Variants in MACROD2 observed in about 807,000 individuals in gnomAD.
MACROD2 encodes mono-ADP ribosylhydrolase 2.
Under a neutral mutation model 70.4 loss-of-function variants are expected in MACROD2, and 36 were observed. The observed-to-expected ratio is 0.51, with a 90% CI of 0.39 to 0.68. The LOEUF (loss-of-function observed/expected upper bound fraction) is 0.68. Ranked by LOEUF, MACROD2 falls within the 30% of genes least tolerant of loss-of-function variation. The pLI, the probability that MACROD2 is intolerant of heterozygous loss-of-function variation, is 0.00. For missense variants in MACROD2, 496 were observed against 538.4 expected (o/e 0.92, Z 0.78); for synonymous variants, 172 against 178.8 (o/e 0.96, Z 0.30).
At chr20:15,957,211 T>G (rs2065989975) in intron 12 of MACROD2, among the ~76,000 whole-genome samples, 2 of 152,208 alleles carry the variant, frequency 1.3e-5, no homozygotes, top group African/African-American at 4.8e-5. Flanking sequence ...GAGCTGGTCC[T>G]GGTTATGCAG....
intron 8 of MACROD2, among the ~76,000 whole-genome samples, chr20:15,617,364 A>G (rs1228567154): frequency 1.3e-5 from 2 of 152,184 alleles, no homozygotes; most frequent in African/African-American, 2.4e-5. Flanking sequence ...CAGGATAGCC[A>G]AGGAGGATTT....
At chr20:14,783,006 G>C (rs2072321147) in intron 5 of MACROD2, among the ~76,000 whole-genome samples, 1 of 152,094 alleles carries the variant, frequency 6.6e-6, no homozygotes, top group Admixed American at 6.5e-5. Flanking sequence ...CAGGGAGATT[G>C]CTGAGAGTTG....
At chr20:15,039,748 A>G (rs2075340857) in intron 5 of MACROD2, among the ~76,000 whole-genome samples, 1 of 152,182 alleles carries the variant, frequency 6.6e-6, no homozygotes, top group Non-Finnish European at 1.5e-5. Flanking sequence ...ACTTACGGAG[A>G]CAGCAGATAC....
At chr20:15,327,651 G>C (rs1239105606) in intron 6 of MACROD2, among the ~76,000 whole-genome samples, 1 of 151,972 alleles carries the variant, frequency 6.6e-6, no homozygotes, top group Non-Finnish European at 1.5e-5. Flanking sequence ...ACAACACATG[G>C]GGGTTATGGG....
At chr20:14,627,591 G>T (rs1984255680) in intron 4 of MACROD2, among the ~76,000 whole-genome samples, 1 of 152,152 alleles carries the variant, frequency 6.6e-6, no homozygotes, top group African/African-American at 2.4e-5. Context: ...GAGCCTGTTT[G>T]GAGGGGAGGA....
intron 5 of MACROD2, among the ~76,000 whole-genome samples, chr20:14,917,956 G>A (rs1321440047): frequency 6.6e-6 from 1 of 151,960 alleles, no homozygotes; most frequent in Non-Finnish European, 1.5e-5. Flanking sequence ...AGGGTAATGC[G>A]GTATACGGAA....
chr20:14,636,250 A>G (rs561528749), intron 4 of MACROD2, among the ~76,000 whole-genome samples: 34 of 152,118 alleles, frequency 2.2e-4, no homozygotes, highest in African/African-American at 7.7e-4. Flanking sequence ...CCTATCCTCC[A>G]TATCAATGTC....
At chr20:14,763,452 CT>C (rs1449944344) in intron 5 of MACROD2, among the ~76,000 whole-genome samples, 1 of 152,062 alleles carries the variant, frequency 6.6e-6, no homozygotes, top group Admixed American at 6.6e-5. Context: ...AAGTTTCTCT[CT>C]GTGACTTTGT....
At chr20:15,478,915 A>G (rs1334188215) in intron 7 of MACROD2, among the ~76,000 whole-genome samples, 2 of 152,224 alleles carry the variant, frequency 1.3e-5, no homozygotes, top group Non-Finnish European at 2.9e-5. Context: ...TGCGTGACCA[A>G]TCTGCAATCT....
intron 4 of MACROD2, chr20:14,547,338 C>G: frequency 4.2e-6 from 1 of 237,336 alleles, no homozygotes; most frequent in Non-Finnish European, 9.4e-6. Context: ...AAACAAAGTC[C>G]ATCATACAGA....
intron 8 of MACROD2, among the ~76,000 whole-genome samples, chr20:15,563,121 A>G (rs1465397301): frequency 6.6e-6 from 1 of 152,202 alleles, no homozygotes; most frequent in Non-Finnish European, 1.5e-5. Context: ...GCTGATGAGG[A>G]TGCAGTGTTG....
intron 5 of MACROD2, among the ~76,000 whole-genome samples, chr20:14,763,957 C>T (rs1017367200): frequency 2.0e-5 from 3 of 152,068 alleles, no homozygotes; most frequent in Non-Finnish European, 2.9e-5. Context: ...TATGTATATA[C>T]TTTCCCCTTG....
intron 3 of MACROD2, among the ~76,000 whole-genome samples, chr20:14,302,534 G>A (rs190463196): frequency 0.012 from 1,846 of 152,158 alleles, 21 homozygotes; most frequent in Non-Finnish European, 0.017. Flanking sequence ...TGAAATAGGC[G>A]ACTTGCTTTA....
intron 5 of MACROD2, among the ~76,000 whole-genome samples, chr20:14,878,717 A>T (rs1288795348): frequency 6.6e-6 from 1 of 152,154 alleles, no homozygotes; most frequent in African/African-American, 2.4e-5. Flanking sequence ...GGCCGAGTTG[A>T]TAATATGATC....
At chr20:15,495,257 G>A (rs777304800) in intron 7 of MACROD2, among the ~76,000 whole-genome samples, 13 of 152,096 alleles carry the variant, frequency 8.5e-5, no homozygotes, top group South Asian at 4.1e-4. Flanking sequence ...TTATAACCCC[G>A]GAGGTCTTGT....
At chr20:15,916,080 G>A (rs1450252388) in intron 10 of MACROD2, among the ~76,000 whole-genome samples, 1 of 152,148 alleles carries the variant, frequency 6.6e-6, no homozygotes, top group African/African-American at 2.4e-5. Context: ...GGTTCTTCAC[G>A]CTCACAGCTG....
At chr20:15,178,175 T>A (rs2145898433) in intron 5 of MACROD2, among the ~76,000 whole-genome samples, 1 of 152,326 alleles carries the variant, frequency 6.6e-6, no homozygotes, top group South Asian at 2.1e-4. Context: ...TAAGGCTTCA[T>A]CCAGGCATAA....
intron 8 of MACROD2, among the ~76,000 whole-genome samples, chr20:15,635,511 C>T (rs943348818): frequency 7.2e-5 from 11 of 152,106 alleles, no homozygotes; most frequent in Non-Finnish European, 1.5e-4. Flanking sequence ...ACTGTATGTT[C>T]TCTCCTATAA....
chr20:14,863,678 T>G (rs2073397211), intron 5 of MACROD2, among the ~76,000 whole-genome samples: 1 of 152,106 alleles, frequency 6.6e-6, no homozygotes, highest in Non-Finnish European at 1.5e-5. Flanking sequence ...AGAGATTCTA[T>G]TAATAACATT....
Sources: gnomAD v4.1 joint callset for allele counts (sites outside exome capture counted in the v4.1 genomes callset) on GRCh38, gnomAD v4.1.1 for gene constraint, MANE v1.5 for transcripts, NCBI Gene and HGNC (gene_info 2026-07-23, HGNC 2026-07-21) for gene names.